The following CLSTN2 variants were observed in gnomAD, a reference collection of about 807,000 sequenced individuals.
The protein encoded by CLSTN2 is calsyntenin 2.
A neutral mutation model predicts 101.2 loss-of-function variants in CLSTN2; 48 were observed. The observed-to-expected ratio is 0.47, with a 90% CI of 0.38 to 0.60. The LOEUF is 0.60. Among genes scored for constraint, CLSTN2 ranks in the 20% least tolerant of loss-of-function variants. The pLI, the probability that CLSTN2 is intolerant of heterozygous loss-of-function variation, is 0.00. For synonymous variants in CLSTN2, 481 were observed against 463.6 expected (o/e 1.04, Z -0.48); for missense variants, 1,160 against 1,238.2 (o/e 0.94, Z 0.95).
At chr3:140,499,112 GTAATA>G (rs1934522532) in intron 8 of CLSTN2, among the ~76,000 whole-genome samples, 1 of 152,252 alleles carries the variant, frequency 6.6e-6, no homozygotes, top group African/African-American at 2.4e-5. Flanking sequence ...CTGTGGCTCA[GTAATA>G]TAATCTGATG....
intron 2 of CLSTN2, among the ~76,000 whole-genome samples, chr3:140,368,344 C>T (rs1007285748): frequency 6.6e-6 from 1 of 152,140 alleles, no homozygotes; most frequent in East Asian, 1.9e-4. Context: ...CCAGTGGAAC[C>T]AAGCAAGAGC....
At chr3:140,106,930 G>A (rs2009069074) in intron 1 of CLSTN2, among the ~76,000 whole-genome samples, 1 of 152,160 alleles carries the variant, frequency 6.6e-6, no homozygotes, top group Non-Finnish European at 1.5e-5. Context: ...TAAGCAGCGG[G>A]GGGATATCTG....
Position 139,935,476 on chromosome 3 carries a change from G to A in CLSTN2, c.102G>A (p.Ala34=), listed in dbSNP as rs554776795. The part of the protein sequence containing the change: ...GGDSRQRRLL[A]AKVNKHKPWI... ...ACAGCCGGCAGCGCCGCCTCCTCGC[G>A]GCTAAAGGTGGGTGCTGGGGAAGTT... The change falls in exon 1 of 17, where the codon GCG becomes GCA. Residue 34 remains alanine, a synonymous_variant. Coordinates refer to ENST00000458420, the MANE Select transcript of CLSTN2 (RefSeq NM_022131.3). This position sits in a 1 kb window ranked among gnomAD's most constrained non-coding sequence, Gnocchi z 5.5. 4.9e-6 allele frequency: 6 copies of A among 1,228,066 alleles called. No homozygotes were observed. The highest frequency in any genetic ancestry group is 4.2e-5 in the Admixed American group (1 of 23,686). The allele number at this position is 1,228,066 out of a possible 1,614,324, so 76.1% of individuals were successfully genotyped here.
At chr3:140,253,407 G>A (rs1471819292) in intron 2 of CLSTN2, among the ~76,000 whole-genome samples, 2 of 152,174 alleles carry the variant, frequency 1.3e-5, no homozygotes, top group Admixed American at 1.3e-4. Context: ...TGGCACTGGA[G>A]GAGTCTGACG....
chr3:140,448,494 T>C (rs771116580), intron 5 of CLSTN2, 25 bp from the exon 6 acceptor site: 6 of 1,591,112 alleles, frequency 3.8e-6, no homozygotes, highest in Middle Eastern at 1.7e-4. Context: ...CTGATTCACT[T>C]TTCATCCTTT....
At chr3:140,400,320 G>A (rs368893936) in intron 2 of CLSTN2, among the ~76,000 whole-genome samples, 21 of 152,314 alleles carry the variant, frequency 1.4e-4, no homozygotes, top group South Asian at 4.1e-4. Flanking sequence ...GTGGACATGC[G>A]TATTGCAGCC....
At chr3:140,075,994 T>G (rs376043323) in intron 1 of CLSTN2, among the ~76,000 whole-genome samples, 1 of 152,188 alleles carries the variant, frequency 6.6e-6, no homozygotes, top group East Asian at 1.9e-4. Context: ...CAATACAGTA[T>G]TGTTAACTAT....
At chr3:140,492,161 T>A (rs963064335) in intron 8 of CLSTN2, among the ~76,000 whole-genome samples, 3 of 152,072 alleles carry the variant, frequency 2.0e-5, no homozygotes, top group Non-Finnish European at 4.4e-5. Context: ...AAAAATAAAT[T>A]TCAAAAGAGA....
chr3:140,034,288 T>G (rs1465287779), intron 1 of CLSTN2, among the ~76,000 whole-genome samples: 1 of 152,172 alleles, frequency 6.6e-6, no homozygotes, highest in Non-Finnish European at 1.5e-5. Flanking sequence ...AGAGGGAGTC[T>G]ATGGTAGTGG....
rs763074532 is a variant in CLSTN2 at position 140,572,364 on chromosome 3, T to C, written c.*6111T>C. 6.6e-6 allele frequency: 1 copy of C among 152,188 alleles called. No homozygotes were observed. Among genetic ancestry groups the C allele is most frequent in the Non-Finnish European group, 1.5e-5 (1 of 68,046 alleles). The allele number at this position is 152,188 out of a possible 1,614,324, so 9.4% of individuals were successfully genotyped here. The stretch of plus-strand genomic sequence containing the variant: ...CCCTGCCCACTGGGCAGAAATAACA[T>C]GGTTGACAGCTGACATTCAGAGAAA... On this transcript the variant is annotated 3_prime_UTR_variant, in exon 17 of 17. Coordinates refer to ENST00000458420, the MANE Select transcript of CLSTN2 (RefSeq NM_022131.3).
intron 8 of CLSTN2, among the ~76,000 whole-genome samples, chr3:140,473,549 G>A (rs562758587): frequency 2.0e-5 from 3 of 152,264 alleles, no homozygotes; most frequent in African/African-American, 7.2e-5. Context: ...GGAAGCAGAG[G>A]TCAGAATGAT....
At chr3:140,427,963 C>A (rs1489351259) in intron 5 of CLSTN2, among the ~76,000 whole-genome samples, 2 of 152,092 alleles carry the variant, frequency 1.3e-5, no homozygotes, top group African/African-American at 4.8e-5. Flanking sequence ...TGGAGAAGGA[C>A]CTGCATCCCT....
In CLSTN2 at chr3:140,403,718, G is replaced by T. The variant is rs751047596; in HGVS notation, c.322G>T (p.Ala108Ser). Residue 108 changes from alanine (A) to serine (S), a missense_variant, in exon 3 of 17, where the codon GCC becomes TCC. Ala to Ser is a moderately conservative substitution (Grantham distance 99). Coordinates refer to ENST00000458420, the MANE Select transcript of CLSTN2 (RefSeq NM_022131.3). ...GACATCAGGAGAGGGCCGGCTCCGT[G>T]CCAAGAGCCCCATTGACTGTGAGTT... ...NKTSGEGRLR[A>S]KSPIDCELQK... The T allele has an allele frequency of 6.2e-7, 1 of 1,614,160 alleles. No individual in the cohort carries two copies. The highest frequency in any genetic ancestry group is 8.5e-7 in the Non-Finnish European group (1 of 1,179,998).
At chr3:140,469,111 A>G (rs1315991586) in intron 8 of CLSTN2, among the ~76,000 whole-genome samples, 1 of 152,294 alleles carries the variant, frequency 6.6e-6, no homozygotes, top group East Asian at 1.9e-4. Flanking sequence ...AACCAGCCCT[A>G]TCGAAATAGT....
chr3:140,020,671 A>G (rs2007295917), intron 1 of CLSTN2, among the ~76,000 whole-genome samples: 1 of 152,148 alleles, frequency 6.6e-6, no homozygotes, highest in Non-Finnish European at 1.5e-5. Flanking sequence ...GACCACTAAT[A>G]GCATCTTCTC....
At chr3:140,004,651 A>G (rs2006917779) in intron 1 of CLSTN2, among the ~76,000 whole-genome samples, 1 of 152,206 alleles carries the variant, frequency 6.6e-6, no homozygotes, top group Admixed American at 6.5e-5. Flanking sequence ...AAGACTTGGA[A>G]AAGATATCTG....
chr3:140,160,891 A>T (rs1010929102), intron 1 of CLSTN2, among the ~76,000 whole-genome samples: 1 of 152,190 alleles, frequency 6.6e-6, no homozygotes, highest in East Asian at 1.9e-4. Context: ...AATGATTTTC[A>T]TAAAAGTACT....
In CLSTN2 at chr3:140,189,450, G is replaced by A. The variant is rs371161814; in HGVS notation, c.232+13377G>A. Among the ~76,000 whole-genome samples, 31 of 152,102 alleles carry A rather than the reference G, an allele frequency of 2.0e-4. 1 individual carries two copies. Among genetic ancestry groups the A allele is most frequent in the Admixed American group, 1.1e-3 (17 of 15,258 alleles). ...TTTTTTATTATAGTCATTTAGGTGT[G>A]TATGTATTATCTCATTGTGGTTTTA... On this transcript the variant is annotated intron_variant, in intron 2 of 16. Coordinates refer to ENST00000458420, the MANE Select transcript of CLSTN2 (RefSeq NM_022131.3).
At chr3:140,340,182 GAT>G (rs2087478704) in intron 2 of CLSTN2, among the ~76,000 whole-genome samples, 1 of 152,234 alleles carries the variant, frequency 6.6e-6, no homozygotes, top group South Asian at 2.1e-4. Context: ...TTTCCTAGCA[GAT>G]GTCCTCCTAC....
Sources: allele counts gnomAD v4.1 joint callset (sites outside exome capture counted in the v4.1 genomes callset), GRCh38; gene constraint gnomAD v4.1.1; non-coding constraint Gnocchi (gnomAD v3.1); transcripts MANE v1.5; gene names NCBI Gene and HGNC (gene_info 2026-07-23, HGNC 2026-07-21).